LEKR1: variants seen among roughly 807,000 people sequenced by gnomAD.
LEKR1 encodes the protein leucine, glutamate and lysine rich 1, also known as protein LEKR1.
In LEKR1, 59 loss-of-function variants were observed where a neutral mutation model predicts 72.4. The observed-to-expected ratio is 0.82, with a 90% CI of 0.66 to 1.01. LEKR1 has a LOEUF of 1.01. Ranked by LOEUF, LEKR1 falls within the 50% of genes least tolerant of loss-of-function variation. The probability of loss-of-function intolerance (pLI) is 0.00; values close to 1 mark genes in which losing one functional copy is unlikely to be tolerated. For missense variants in LEKR1, 728 were observed against 759.2 expected, an observed-to-expected ratio of 0.96 and a Z score of 0.48; for synonymous variants, 257 against 263.2, an observed-to-expected ratio of 0.98 and a Z score of 0.23.
intron 6 of LEKR1, among the ~76,000 whole-genome samples, chr3:156,975,300 T>A (rs571970654): frequency 8.0e-5 from 12 of 150,298 alleles, no homozygotes; most frequent in African/African-American, 2.7e-4. Context: ...TATTTTACAT[T>A]AAAAAAAAAA....
At chr3:156,894,254 A>G (rs1576761061) in intron 3 of LEKR1, among the ~76,000 whole-genome samples, 4 of 152,300 alleles carry the variant, frequency 2.6e-5, no homozygotes, top group Admixed American at 1.3e-4. Flanking sequence ...TTTTGCTGAT[A>G]CTTTCTGATA....
intron 10 of LEKR1, among the ~76,000 whole-genome samples, chr3:157,015,087 G>T (rs35626159): frequency 0.57 from 87,200 of 151,966 alleles, 27,121 homozygotes; most frequent in South Asian, 0.8. Context: ...AGTCAAACAA[G>T]GTGAGCCCTG....
intron 3 of LEKR1, among the ~76,000 whole-genome samples, chr3:156,904,457 A>G (rs1350466806): frequency 1.4e-5 from 2 of 138,590 alleles, no homozygotes; most frequent in Non-Finnish European, 1.6e-5. Context: ...TTATTTTTTT[A>G]TTTTTAGAGA....
chr3:156,967,434 C>G (rs1472923869), intron 6 of LEKR1, among the ~76,000 whole-genome samples: 1 of 152,032 alleles, frequency 6.6e-6, no homozygotes, highest in Non-Finnish European at 1.5e-5. Flanking sequence ...CCTTAAAGGA[C>G]CTGATGGAGC....
intron 2 of LEKR1, among the ~76,000 whole-genome samples, chr3:156,851,722 G>A (rs1364429805): frequency 6.6e-6 from 1 of 151,770 alleles, no homozygotes; most frequent in Non-Finnish European, 1.5e-5. Flanking sequence ...GACATTGGTA[G>A]GCAGATATGG....
At chr3:157,028,446 C>T (rs766103976) in intron 12 of LEKR1, 44 bp downstream of exon 12, 4 of 1,459,118 alleles carry the variant, frequency 2.7e-6, no homozygotes, top group Non-Finnish European at 3.7e-6. Context: ...TCAAAGAGCA[C>T]ATGTTCTTTC....
intron 12 of LEKR1, among the ~76,000 whole-genome samples, chr3:157,030,457 A>G (rs1045374888): frequency 2.6e-5 from 4 of 152,182 alleles, no homozygotes; most frequent in African/African-American, 7.2e-5. Context: ...AGAAGAATTT[A>G]AAGAAAACTT....
At chr3:156,994,508 A>C (rs915276371) in intron 9 of LEKR1, among the ~76,000 whole-genome samples, 3 of 152,146 alleles carry the variant, frequency 2.0e-5, no homozygotes, top group African/African-American at 7.2e-5. Context: ...AACACCGAAA[A>C]TGTACCCTCT....
At chr3:156,995,125 AT>A (rs1393254941) in intron 9 of LEKR1, among the ~76,000 whole-genome samples, 3 of 152,078 alleles carry the variant, frequency 2.0e-5, no homozygotes, top group Admixed American at 6.5e-5. Context: ...AATAAAGTAA[AT>A]TTTTCCCCTT....
intron 3 of LEKR1, among the ~76,000 whole-genome samples, chr3:156,907,110 G>C (rs1245948360): frequency 2.0e-5 from 3 of 151,918 alleles, no homozygotes; most frequent in African/African-American, 4.8e-5. Flanking sequence ...AGATTTTTAA[G>C]TAACACATAG....
At chr3:156,894,403 G>A (rs2108558922) in intron 3 of LEKR1, among the ~76,000 whole-genome samples, 1 of 152,204 alleles carries the variant, frequency 6.6e-6, no homozygotes, top group South Asian at 2.1e-4. Context: ...AGTTATCTGT[G>A]ATTAAATTTA....
chr3:156,883,607 C>T (rs1187709561), intron 3 of LEKR1, among the ~76,000 whole-genome samples: 1 of 152,054 alleles, frequency 6.6e-6, no homozygotes, highest in Non-Finnish European at 1.5e-5. Context: ...GGGTAGTTTC[C>T]CCCATACTGT....
chr3:156,904,465 A>G (rs1212292442), intron 3 of LEKR1, among the ~76,000 whole-genome samples: 1 of 149,452 alleles, frequency 6.7e-6, no homozygotes. Flanking sequence ...TTATTTTTAG[A>G]GACAGGGTCT....
chr3:156,960,644 T>C (rs1226937921), intron 6 of LEKR1, among the ~76,000 whole-genome samples: 2 of 152,182 alleles, frequency 1.3e-5, no homozygotes, highest in South Asian at 2.1e-4. Flanking sequence ...AACTTTGTTT[T>C]CCCCACATTT....
chr3:156,968,221 C>T (rs1183991390), intron 6 of LEKR1, among the ~76,000 whole-genome samples: 7 of 152,104 alleles, frequency 4.6e-5, no homozygotes, highest in South Asian at 2.1e-4. Flanking sequence ...CATCAACTAA[C>T]GAGCAAAATA....
chr3:156,995,629 T>A (rs913110303), intron 9 of LEKR1, among the ~76,000 whole-genome samples: 20 of 152,232 alleles, frequency 1.3e-4, no homozygotes, highest in African/African-American at 4.8e-4. Flanking sequence ...GCCAGCAGTT[T>A]AAGACTAGCC....
At position 156,888,731 on chromosome 3, in the gene LEKR1, T is replaced by G. The variant is rs114553534; in HGVS notation, c.264-31844T>G. ...AAGCAGCATTTTCTTTGAATACTTG[T>G]CATCATCATCCTTCTATGTCAGACT... On this transcript the variant is annotated intron_variant, in intron 3 of 12. Coordinates refer to ENST00000356539, the MANE Select transcript of LEKR1 (RefSeq NM_001004316.3). 8.7e-3 allele frequency among the ~76,000 whole-genome samples: 1,322 copies of G among 152,350 alleles called. 9 individuals carry two copies. The highest frequency in any genetic ancestry group is 0.018 in the South Asian group (85 of 4,832).
chr3:156,920,443 A>C (rs1276269652), intron 3 of LEKR1, 132 bp from the exon 4 acceptor site: 2 of 563,150 alleles, frequency 3.6e-6, no homozygotes, highest in Non-Finnish European at 3.0e-6. Context: ...TTTTCTGTAC[A>C]TTCATATAGC....
chr3:156,842,335 A>G (rs1714032927), intron 2 of LEKR1, among the ~76,000 whole-genome samples: 1 of 151,838 alleles, frequency 6.6e-6, no homozygotes, highest in Non-Finnish European at 1.5e-5. Context: ...GTGCAGTGAC[A>G]GGTCTTTCAA....
Sources: gnomAD v4.1 joint callset for allele counts (sites outside exome capture counted in the v4.1 genomes callset) on GRCh38, gnomAD v4.1.1 for gene constraint, MANE v1.5 for transcripts, NCBI Gene and HGNC (gene_info 2026-07-23, HGNC 2026-07-21) for gene names.